SLC12A8: variants seen among roughly 807,000 people sequenced by gnomAD.
SLC12A8 encodes solute carrier family 12 member 8.
SLC12A8 carries 69 observed loss-of-function variants against 75.6 expected under a neutral mutation model. The observed-to-expected ratio is 0.91, with a 90% CI of 0.75 to 1.11. SLC12A8 has a LOEUF of 1.11. Among genes scored for constraint, SLC12A8 ranks in the 50% most tolerant of loss-of-function variants. SLC12A8 has a pLI of 0.00. For synonymous variants in SLC12A8, 365 were observed against 372.8 expected, an observed-to-expected ratio of 0.98 and a Z score of 0.24; for missense variants, 877 against 896.7, an observed-to-expected ratio of 0.98 and a Z score of 0.28.
rs114334075 is a variant in SLC12A8, at chr3:125,192,837, G to A, written c.52-2316C>T. The A allele has an allele frequency of 7.5e-3, 1,161 of 154,564 alleles. 16 individuals carry two copies. The highest frequency in any genetic ancestry group is 0.027 in the African/African-American group (1,116 of 41,628). The allele number at this position is 154,564 out of a possible 1,614,324, so 9.6% of individuals were successfully genotyped here. ...TCAGTCTTCCCACAGTCTGCTCATC[G>A]GAGACTGGGTGGGAAGAGCGTAGGT... is the stretch of plus-strand genomic sequence containing the variant. On this transcript the variant is annotated intron_variant, in intron 2 of 13. Coordinates refer to ENST00000469902, the MANE Select transcript of SLC12A8 (RefSeq NM_024628.6).
chr3:125,101,112 G>A (rs1302113183), intron 10 of SLC12A8, among the ~76,000 whole-genome samples: 5 of 151,510 alleles, frequency 3.3e-5, no homozygotes, highest in Non-Finnish European at 7.4e-5. Context: ...TGCAAGTGTT[G>A]GCATACACAC....
intron 5 of SLC12A8, among the ~76,000 whole-genome samples, chr3:125,141,433 G>A (rs1933633903): frequency 6.6e-6 from 1 of 152,202 alleles, no homozygotes; most frequent in Non-Finnish European, 1.5e-5. Flanking sequence ...ACTGAGAACT[G>A]CTCCAGCAGG....
intron 2 of SLC12A8, among the ~76,000 whole-genome samples, chr3:125,198,972 G>A (rs535348865): frequency 2.0e-5 from 3 of 152,022 alleles, no homozygotes; most frequent in East Asian, 1.9e-4. Context: ...TAGAGATGGG[G>A]TTTCACCGTG....
intron 8 of SLC12A8, among the ~76,000 whole-genome samples, chr3:125,112,112 G>A (rs923754559): frequency 3.3e-5 from 5 of 152,202 alleles, no homozygotes; most frequent in African/African-American, 9.7e-5. Flanking sequence ...TACACACAAT[G>A]GGGGTACTCT....
At position 125,091,523 on chromosome 3, in the gene SLC12A8, G is replaced by A; in HGVS notation, c.1837C>T (p.Gln613Ter). The part of the protein sequence containing the change: ...VGSLLIMFVI[Q>*]WVYTLVNMGV... ...ATGTTAACCAGGGTATACACCCACT[G>A]TATCACAAACATGATGAGAAGGGAC... The change falls in exon 12 of 14, where the codon CAG (glutamine) becomes TAG (stop). Residue 613 changes from glutamine (Q) to a stop codon, truncating the protein, a stop_gained. Coordinates refer to ENST00000469902, the MANE Select transcript of SLC12A8 (RefSeq NM_024628.6). LOFTEE classifies it high-confidence loss of function. 6.2e-7 allele frequency: 1 copy of A among 1,613,914 alleles called. No homozygotes were observed. Among genetic ancestry groups the A allele is most frequent in the Non-Finnish European group, 8.5e-7 (1 of 1,179,812 alleles).
intron 6 of SLC12A8, among the ~76,000 whole-genome samples, chr3:125,134,230 T>C (rs958948188): frequency 4.6e-5 from 7 of 151,878 alleles, no homozygotes; most frequent in Non-Finnish European, 7.4e-5. Context: ...GCCTCCTAAG[T>C]AGCTGGAACT....
chr3:125,122,330 C>T (rs1020193456), intron 6 of SLC12A8, among the ~76,000 whole-genome samples: 2 of 152,086 alleles, frequency 1.3e-5, no homozygotes, highest in Non-Finnish European at 2.9e-5. Context: ...AACGTGAAAA[C>T]TTTTAAGGTT....
chr3:125,189,382 C>T (rs1420639984), intron 3 of SLC12A8, among the ~76,000 whole-genome samples: 1 of 152,218 alleles, frequency 6.6e-6, no homozygotes, highest in Non-Finnish European at 1.5e-5. Flanking sequence ...CTTGAATGGC[C>T]TCCTCTCTTT....
intron 3 of SLC12A8, among the ~76,000 whole-genome samples, chr3:125,188,520 T>C (rs1579534996): frequency 6.6e-6 from 1 of 152,318 alleles, no homozygotes. Flanking sequence ...AAACCATGCA[T>C]GGCTGGAGAT....
At chr3:125,146,598 G>A (rs926542454) in intron 5 of SLC12A8, among the ~76,000 whole-genome samples, 1 of 152,190 alleles carries the variant, frequency 6.6e-6, no homozygotes, top group Non-Finnish European at 1.5e-5. Context: ...ACAGATGTGG[G>A]AATAGAGGAC....
At chr3:125,125,120 C>CT (rs11432176) in intron 6 of SLC12A8, among the ~76,000 whole-genome samples, 88,355 of 145,428 alleles carry the variant, frequency 0.61, 27,289 homozygotes, top group East Asian at 0.81. Context: ...GCATTGAACC[C>CT]TTTTTTTTTT....
chr3:125,159,858 A>T (rs1378329813), intron 5 of SLC12A8, among the ~76,000 whole-genome samples: 1 of 152,242 alleles, frequency 6.6e-6, no homozygotes, highest in East Asian at 1.9e-4. Flanking sequence ...TGGGACTCAG[A>T]TTTGACTCTA....
In SLC12A8 at chr3:125,165,379, G is replaced by A. The variant is rs11915648; in HGVS notation, c.622+12364C>T. Among the ~76,000 whole-genome samples the A allele has an allele frequency of 4.3e-3, 660 of 152,324 alleles. 9 individuals are homozygous for A. Among genetic ancestry groups the A allele is most frequent in the African/African-American group, 0.015 (634 of 41,576 alleles). The stretch of plus-strand genomic sequence containing the variant: ...CACAACTCCACACAGAGGCCATCCC[G>A]GGCACTGCAGGGCCCTTCCAGGCTG... On this transcript the variant is annotated intron_variant, in intron 5 of 13. Coordinates refer to ENST00000469902, the MANE Select transcript of SLC12A8 (RefSeq NM_024628.6).
chr3:125,099,892 C>T (rs922808122), intron 10 of SLC12A8, among the ~76,000 whole-genome samples: 1 of 152,188 alleles, frequency 6.6e-6, no homozygotes, highest in Non-Finnish European at 1.5e-5. Context: ...CACACCATTG[C>T]ACTCCAGCCT....
chr3:125,133,459 A>C (rs1933411781), intron 6 of SLC12A8, among the ~76,000 whole-genome samples: 1 of 151,498 alleles, frequency 6.6e-6, no homozygotes, highest in Non-Finnish European at 1.5e-5. Flanking sequence ...TGTAGCCTTG[A>C]CCTCCCAGGA....
intron 13 of SLC12A8, 34 bp from the exon 14 acceptor site, chr3:125,084,086 G>A: frequency 6.3e-7 from 1 of 1,585,844 alleles, no homozygotes; most frequent in Non-Finnish European, 8.6e-7. Flanking sequence ...ATGGTGAGAA[G>A]GACAGAACAG....
At chr3:125,187,768 C>T (rs776295327) in intron 3 of SLC12A8, among the ~76,000 whole-genome samples, 1 of 150,876 alleles carries the variant, frequency 6.6e-6, no homozygotes, top group Admixed American at 6.6e-5. Context: ...CCCACCCCTC[C>T]TCATGCTGAT....
At position 125,120,599 on chromosome 3, in the gene SLC12A8, G is replaced by T; in HGVS notation, c.824C>A (p.Ser275Ter). 1 of 1,611,580 alleles carries T rather than the reference G, an allele frequency of 6.2e-7. No individual in the cohort carries two copies. The highest frequency in any genetic ancestry group is 8.5e-7 in the Non-Finnish European group (1 of 1,178,164). ...ACTGATTGCCATGAGGGGAACTTAC[G>T]AGATGCCAACAGCTGCCAGGGAGCC... ...PLGSLAAVGI[S>*]WFLYIIFVFL... is the part of the protein sequence containing the mutation. Residue 275 changes from serine (S) to a stop codon, truncating the protein, a stop_gained and splice_region_variant, in exon 7 of 14, where the codon TCG becomes TAG. Coordinates refer to ENST00000469902, the MANE Select transcript of SLC12A8 (RefSeq NM_024628.6). LOFTEE classifies it high-confidence loss of function.
intron 2 of SLC12A8, among the ~76,000 whole-genome samples, chr3:125,195,173 T>C (rs1459872573): frequency 6.6e-6 from 1 of 152,272 alleles, no homozygotes; most frequent in Non-Finnish European, 1.5e-5. Flanking sequence ...AAGAAGTCTT[T>C]TGACTGCATT....
Sources: gnomAD v4.1 joint callset for allele counts (sites outside exome capture counted in the v4.1 genomes callset) on GRCh38, gnomAD v4.1.1 for gene constraint, MANE v1.5 for transcripts, NCBI Gene and HGNC (gene_info 2026-07-23, HGNC 2026-07-21) for gene names.